The following MTR variants were observed in gnomAD, a reference collection of about 807,000 sequenced individuals.
MTR encodes the protein 5-methyltetrahydrofolate-homocysteine methyltransferase.
A neutral mutation model predicts 154.8 loss-of-function variants in MTR; 84 were observed. The ratio of observed to expected loss-of-function variants is 0.54; its 90% confidence interval spans 0.45 to 0.65. The LOEUF (loss-of-function observed/expected upper bound fraction) is 0.65, where lower values mean the gene tolerates loss of function less well. MTR is among the 30% of genes least tolerant of loss of function. The pLI, the probability that MTR is intolerant of heterozygous loss-of-function variation, is 0.00. For missense variants in MTR, 1,275 were observed against 1,570.2 expected (o/e 0.81, Z 3.18); for synonymous variants, 554 against 553.9 (o/e 1.00, Z 0.00).
chr1:236,860,234 T>TC (rs1664458259), intron 19 of MTR, among the ~76,000 whole-genome samples: 1 of 151,984 alleles, frequency 6.6e-6, no homozygotes. Context: ...GAATATTCCT[T>TC]CCCAAGTGTT....
rs1437459232 is a variant in MTR, at chr1:236,795,665, C to T, written c.-39C>T. 8 of 1,613,382 alleles carry T rather than the reference C, an allele frequency of 5.0e-6. No individual in the cohort carries two copies. Among genetic ancestry groups the T allele is most frequent in the African/African-American group, 1.3e-5 (1 of 74,962 alleles). ...TCGTCACCTGTGGAGAGCACGTCTT[C>T]TCTGCCGCGCCCTCTGCGCAAGGAG... is the stretch of plus-strand genomic sequence containing the variant. On this transcript the variant is annotated 5_prime_UTR_variant, in exon 1 of 33. Transcript: ENST00000366577.
At chr1:236,881,681 G>C (rs1665744314) in intron 25 of MTR, among the ~76,000 whole-genome samples, 1 of 152,150 alleles carries the variant, frequency 6.6e-6, no homozygotes, top group Non-Finnish European at 1.5e-5. Context: ...CATGCGACCT[G>C]GACTAGGGTG....
Position 236,896,139 on chromosome 1 carries a change from C to A in MTR, c.3598+589C>A, listed in dbSNP as rs191649331. 6.6e-5 allele frequency among the ~76,000 whole-genome samples: 10 copies of A among 152,326 alleles called. No individual in the cohort carries two copies. The East Asian group carries it at 1.7e-3, about 26-fold the overall frequency. ...CCTTTCTGAGACAAAGGCCCAGACA[C>A]CCGGCCTCAGCGTCCTGTGCCCAGA... is the stretch of plus-strand genomic sequence containing the variant. On this transcript the variant is annotated intron_variant, in intron 31 of 32. Transcript: ENST00000366577.
intron 22 of MTR, among the ~76,000 whole-genome samples, chr1:236,871,656 T>C (rs1202004544): frequency 6.6e-6 from 1 of 152,116 alleles, no homozygotes; most frequent in Non-Finnish European, 1.5e-5. Flanking sequence ...TTCTTCAATA[T>C]GTTAAAAAGA....
At chr1:236,878,577 C>T (rs895275349) in intron 24 of MTR, among the ~76,000 whole-genome samples, 1 of 151,278 alleles carries the variant, frequency 6.6e-6, no homozygotes, top group Non-Finnish European at 1.5e-5. Flanking sequence ...TCAGGCCACA[C>T]ATAAAATACA....
At position 236,875,153 on chromosome 1, in the gene MTR, C is replaced by A. The variant is rs187414708; in HGVS notation, c.2594+307C>A. On this transcript the variant is annotated intron_variant, in intron 24 of 32. Coordinates refer to ENST00000366577, the MANE Select transcript of MTR (RefSeq NM_000254.3). ...CCTGAGAATTATAATGAACTCTTCT[C>A]GTGAAATTAAACCGAGTGGAGAAGC... Among the ~76,000 whole-genome samples the A allele has an allele frequency of 1.1e-4, 16 of 152,306 alleles. No homozygotes were observed. The East Asian group carries it at 3.1e-3, about 29-fold the overall frequency.
intron 8 of MTR, among the ~76,000 whole-genome samples, chr1:236,818,957 G>A (rs1169006321): frequency 2.0e-5 from 3 of 152,212 alleles, no homozygotes; most frequent in African/African-American, 7.2e-5. Flanking sequence ...TTTAGAGACA[G>A]CTTGTAAAGA....
At chr1:236,862,952 G>C (rs566904863) in intron 21 of MTR, among the ~76,000 whole-genome samples, 1 of 152,184 alleles carries the variant, frequency 6.6e-6, no homozygotes, top group East Asian at 1.9e-4. Context: ...AATCCTTCTT[G>C]TTTTGCTTTT....
intron 3 of MTR, among the ~76,000 whole-genome samples, chr1:236,807,074 C>T (rs1661026194): frequency 6.6e-6 from 1 of 152,184 alleles, no homozygotes; most frequent in Admixed American, 6.5e-5. Context: ...TTCAAGTCCC[C>T]ACATTCAATT....
In MTR at chr1:236,829,280, A is replaced by C. The variant is rs1223468323; in HGVS notation, c.1075+12A>C. ...TATGTTACTGTCTGGTGAGTCATAA[A>C]GACCTGGTATTCCTGATTGCAGAAA... On this transcript the variant is annotated intron_variant, in intron 12 of 32. Coordinates refer to ENST00000366577, the MANE Select transcript of MTR (RefSeq NM_000254.3). 6.2e-7 allele frequency: 1 copy of C among 1,606,404 alleles called. No homozygotes were observed. The highest frequency in any genetic ancestry group is 8.5e-7 in the Non-Finnish European group (1 of 1,173,072).
In MTR at chr1:236,838,836, G is replaced by A. The variant is rs878961195; in HGVS notation, c.1515+237G>A. Among the ~76,000 whole-genome samples, 5 of 152,120 alleles carry A rather than the reference G, an allele frequency of 3.3e-5. No individual in the cohort carries two copies. In the South Asian group the frequency reaches 6.2e-4, roughly 19 times the overall value. On this transcript the variant is annotated intron_variant, in intron 15 of 32. Transcript: ENST00000366577. ...TAGGTGATTTTGTCATTGTGCCAAC[G>A]TCATAGAGTGTATTTACACCAACCT...
chr1:236,863,355 T>C (rs891385560), intron 21 of MTR, 99 bp from the exon 22 acceptor site: 22 of 924,850 alleles, frequency 2.4e-5, no homozygotes, highest in Non-Finnish European at 3.7e-5. Flanking sequence ...CTTGGTTGTA[T>C]TGAATTGCTT....
chr1:236,819,524 C>G (rs1378807943), intron 8 of MTR: 4 of 331,634 alleles, frequency 1.2e-5, no homozygotes, highest in South Asian at 1.1e-4. Context: ...TTGGTTGCTT[C>G]GAAGTTGTAG....
rs1431327937 is a variant in MTR, at chr1:236,873,942, G to A, written c.2473+102G>A. 1.4e-5 allele frequency: 16 copies of A among 1,127,758 alleles called. No individual in the cohort carries two copies. In the East Asian group the frequency reaches 2.8e-4, roughly 20 times the overall value. The allele number at this position is 1,127,758 out of a possible 1,614,324, so 69.9% of individuals were successfully genotyped here. On this transcript the variant is annotated intron_variant, in intron 23 of 32. Coordinates refer to ENST00000366577, the MANE Select transcript of MTR (RefSeq NM_000254.3). ...CAGTGAATAGTGATGCCCCATGAGG[G>A]TTCTGTGGGACATACAATCAAGTGC...
chr1:236,795,535 T>C lies in MTR; in HGVS notation c.-169T>C, dbSNP rs1450645996. ...AGAGGCCCTAGGGCGCTGCGGGCTTTCGGGGTCCGCAGTCCCCCCGCGACG... is the reference window on the plus strand; with the variant it reads ...AGAGGCCCTAGGGCGCTGCGGGCTTCCGGGGTCCGCAGTCCCCCCGCGACG... On this transcript the variant is annotated 5_prime_UTR_variant, in exon 1 of 33. Coordinates refer to ENST00000366577, the MANE Select transcript of MTR (RefSeq NM_000254.3). 5.2e-6 allele frequency: 8 copies of C among 1,531,754 alleles called. No individual in the cohort carries two copies. Among genetic ancestry groups the C allele is most frequent in the Non-Finnish European group, 7.0e-6 (8 of 1,143,448 alleles). The allele number at this position is 1,531,754 out of a possible 1,614,324, so 94.9% of individuals were successfully genotyped here.
chr1:236,878,151 T>A (rs1226304866), intron 24 of MTR, among the ~76,000 whole-genome samples: 1 of 152,224 alleles, frequency 6.6e-6, no homozygotes, highest in Non-Finnish European at 1.5e-5. Context: ...ATCTTAGTGC[T>A]GTCTTTGGAT....
intron 15 of MTR, among the ~76,000 whole-genome samples, chr1:236,845,008 T>C (rs1471031689): frequency 3.3e-5 from 5 of 152,214 alleles, no homozygotes; most frequent in Non-Finnish European, 7.3e-5. Context: ...GTGATTCTCA[T>C]GTATCTTTTG....
chr1:236,850,863 G>A (rs2103244197), intron 16 of MTR, among the ~76,000 whole-genome samples: 1 of 152,224 alleles, frequency 6.6e-6, no homozygotes, highest in East Asian at 1.9e-4. Context: ...AAAAACCACA[G>A]AACCTGATAA....
intron 2 of MTR, among the ~76,000 whole-genome samples, chr1:236,803,916 G>A (rs1039758395): frequency 6.6e-6 from 1 of 152,208 alleles, no homozygotes; most frequent in Non-Finnish European, 1.5e-5. Context: ...TCACACTAGT[G>A]AGTGTGAGAA....
Sources: gnomAD v4.1 joint callset for allele counts (sites outside exome capture counted in the v4.1 genomes callset) on GRCh38, gnomAD v4.1.1 for gene constraint, MANE v1.5 for transcripts, NCBI Gene and HGNC (gene_info 2026-07-23, HGNC 2026-07-21) for gene names.